CDIN1: variants seen among roughly 807,000 people sequenced by gnomAD.
CDIN1 encodes CDAN1-interacting nuclease 1.
Under a neutral mutation model 45.3 loss-of-function variants are expected in CDIN1, and 33 were observed. The ratio of observed to expected loss-of-function variants is 0.73; its 90% CI spans 0.55 to 0.97. The LOEUF is 0.97. Among genes scored for constraint, CDIN1 ranks in the 50% least tolerant of loss-of-function variants. The pLI, the probability that CDIN1 is intolerant of heterozygous loss-of-function variation, is 0.00. For missense variants in CDIN1, 303 were observed against 339.4 expected (o/e 0.89, Z 0.84); for synonymous variants, 118 against 124.4 (o/e 0.95, Z 0.34).
chr15:36,786,432 C>T (rs919526782), intron 10 of CDIN1, among the ~76,000 whole-genome samples: 1 of 152,158 alleles, frequency 6.6e-6, no homozygotes, highest in Non-Finnish European at 1.5e-5. Context: ...CTGTGTGTAT[C>T]GTGTACTTCC....
intron 10 of CDIN1, among the ~76,000 whole-genome samples, chr15:36,782,104 T>A (rs1159249148): frequency 2.6e-5 from 4 of 152,250 alleles, no homozygotes; most frequent in Non-Finnish European, 5.9e-5. Context: ...TCCATGAAGC[T>A]GATAATTAGC....
intron 10 of CDIN1, among the ~76,000 whole-genome samples, chr15:36,752,397 A>G (rs1375501128): frequency 6.6e-6 from 1 of 152,202 alleles, no homozygotes; most frequent in African/African-American, 2.4e-5. Context: ...TCTCCTCCCA[A>G]TGACAAAGAA....
At chr15:36,623,572 A>C (rs2039295649) in intron 1 of CDIN1, among the ~76,000 whole-genome samples, 1 of 152,120 alleles carries the variant, frequency 6.6e-6, no homozygotes, top group African/African-American at 2.4e-5. Flanking sequence ...CCAGTTGTTG[A>C]CGCCATGGGG....
chr15:36,608,008 G>A (rs531659756), intron 1 of CDIN1, among the ~76,000 whole-genome samples: 2 of 152,244 alleles, frequency 1.3e-5, no homozygotes, highest in South Asian at 2.1e-4. Flanking sequence ...GGATTCATTC[G>A]TGTTGTCTCA....
At chr15:36,756,373 A>G (rs1314241371) in intron 10 of CDIN1, among the ~76,000 whole-genome samples, 1 of 152,210 alleles carries the variant, frequency 6.6e-6, no homozygotes, top group East Asian at 1.9e-4. Flanking sequence ...TTAACACAAA[A>G]TAGTGAACTT....
At chr15:36,701,110 ATAGATAGG>A (rs1225171724) in intron 8 of CDIN1, among the ~76,000 whole-genome samples, 263 of 84,464 alleles carry the variant, frequency 3.1e-3, no homozygotes, top group African/African-American at 0.012. Flanking sequence ...AGATAGATAG[ATAGATAGG>A]TAGGTAGATA....
chr15:36,628,397 G>A (rs1296977671), intron 1 of CDIN1, among the ~76,000 whole-genome samples: 1 of 152,158 alleles, frequency 6.6e-6, no homozygotes, highest in Admixed American at 6.5e-5. Context: ...TTGCAGAGTA[G>A]TATTCCTTTA....
chr15:36,668,672 C>T (rs1455070436), intron 5 of CDIN1, among the ~76,000 whole-genome samples: 1 of 152,056 alleles, frequency 6.6e-6, no homozygotes, highest in East Asian at 1.9e-4. Flanking sequence ...TGTTTAGCAT[C>T]TCTTACTGTC....
intron 10 of CDIN1, among the ~76,000 whole-genome samples, chr15:36,774,173 C>CGCGCGCGCAT (rs1390626131): frequency 7.2e-6 from 1 of 137,950 alleles, no homozygotes; most frequent in Admixed American, 6.8e-5. Context: ...TGCGCGCGCG[C>CGCGCGCGCAT]GCATGCATGA....
At chr15:36,586,878 A>G (rs2037327258) in intron 1 of CDIN1, among the ~76,000 whole-genome samples, 1 of 152,266 alleles carries the variant, frequency 6.6e-6, no homozygotes, top group South Asian at 2.1e-4. Flanking sequence ...GAAGTATTAG[A>G]ATCATAGAAT....
In CDIN1 at chr15:36,709,282, C is replaced by A; in HGVS notation, c.604C>A (p.Pro202Thr). The change falls in exon 9 of 11, where the codon CCA becomes ACA. Residue 202 changes from proline to threonine, a missense_variant. Coordinates refer to ENST00000566621, the MANE Select transcript of CDIN1 (RefSeq NM_001321759.2). ...AACACCAGACTTCATTTTACAAGTA[C>A]CAGTTGGTAAGTTCTTTAACTCTGT... ...DKTPDFILQV[P>T]VAVEGHIIHW... is the part of the protein sequence containing the mutation. The A allele has an allele frequency of 6.3e-7, 1 of 1,599,694 alleles. No homozygotes were observed. Among genetic ancestry groups the A allele is most frequent in the South Asian group, 1.1e-5 (1 of 88,096 alleles).
chr15:36,741,720 ATCTT>A (rs148351337), intron 10 of CDIN1, among the ~76,000 whole-genome samples: 5,518 of 152,134 alleles, frequency 0.036, 340 homozygotes, highest in African/African-American at 0.12. Context: ...TCTTCACATC[ATCTT>A]TCTTCTGTGA....
intron 4 of CDIN1, among the ~76,000 whole-genome samples, chr15:36,657,337 A>C (rs2040819637): frequency 6.6e-6 from 1 of 152,158 alleles, no homozygotes; most frequent in African/African-American, 2.4e-5. Context: ...GTTGTCTTTA[A>C]AGATAAAATC....
chr15:36,671,382 G>A (rs1030734416), intron 5 of CDIN1, among the ~76,000 whole-genome samples: 1 of 152,122 alleles, frequency 6.6e-6, no homozygotes, highest in African/African-American at 2.4e-5. Flanking sequence ...AGGATTGGGG[G>A]AAATTAGGTT....
rs1282877205 is a variant in CDIN1, at chr15:36,800,907, G to GTA, written c.717-7416_717-7415insAT. 6.3e-3 allele frequency among the ~76,000 whole-genome samples: 200 copies of GTA among 31,592 alleles called. 2 individuals are homozygous for GTA. The highest frequency in any genetic ancestry group is 7.7e-3 in the Non-Finnish European group (120 of 15,530). The allele number at this position is 31,592 out of a possible 152,430, so 20.7% of individuals were successfully genotyped here. ...TGTGTGTGTGTGTGTGTGTGTGTGTGTGTATATATATATATATATATATAT... is the reference window on the plus strand; with the variant it reads ...TGTGTGTGTGTGTGTGTGTGTGTGTGTATGTATATATATATATATATATATAT... On this transcript the variant is annotated intron_variant, in intron 10 of 10. Transcript: ENST00000566621.
At chr15:36,705,761 A>T (rs947436305) in intron 8 of CDIN1, 1 of 152,176 alleles carries the variant, frequency 6.6e-6, no homozygotes, top group Non-Finnish European at 1.5e-5. Flanking sequence ...TATAAAATAT[A>T]TTGGGTTTTT....
chr15:36,758,623 T>A (rs1257390741), intron 10 of CDIN1, among the ~76,000 whole-genome samples: 6 of 152,162 alleles, frequency 3.9e-5, no homozygotes, highest in Admixed American at 3.9e-4. Flanking sequence ...ATAACACCCT[T>A]TACAAAGAAA....
chr15:36,589,511 CTTT>C (rs5811918), intron 1 of CDIN1, among the ~76,000 whole-genome samples: 1 of 145,368 alleles, frequency 6.9e-6, no homozygotes. Flanking sequence ...TTTCTTTTTT[CTTT>C]TTTTTTTTTG....
chr15:36,783,822 C>T (rs1176799163), intron 10 of CDIN1, among the ~76,000 whole-genome samples: 2 of 152,188 alleles, frequency 1.3e-5, no homozygotes, highest in African/African-American at 4.8e-5. Context: ...GTGGCACAGA[C>T]ACCTGTAAGA....
Sources: allele counts gnomAD v4.1 joint callset (sites outside exome capture counted in the v4.1 genomes callset), GRCh38; gene constraint gnomAD v4.1.1; transcripts MANE v1.5; gene names NCBI Gene and HGNC (gene_info 2026-07-23, HGNC 2026-07-21).